The following PPEF1 variants were observed in gnomAD, a reference collection of about 807,000 sequenced individuals.
PPEF1 encodes serine/threonine-protein phosphatase with EF-hands 1.
In PPEF1, 12 loss-of-function variants were observed where a neutral mutation model predicts 53.3. The ratio of observed to expected loss-of-function variants is 0.23; its 90% CI spans 0.14 to 0.36. The LOEUF is 0.36. Among genes scored for constraint, PPEF1 ranks in the 10% least tolerant of loss-of-function variants. The pLI is 1.00. For missense variants in PPEF1, 334 were observed against 490.4 expected (o/e 0.68, Z 3.01); for synonymous variants, 165 against 176.7 (o/e 0.93, Z 0.52).
intron 10 of PPEF1, among the ~76,000 whole-genome samples, chrX:18,795,662 T>G (rs1002902881): frequency 1.8e-5 from 2 of 112,337 alleles, no homozygotes; most frequent in African/African-American, 6.5e-5. Context: ...ACATTTTAAC[T>G]GCTTTCTTGT....
intron 10 of PPEF1, among the ~76,000 whole-genome samples, chrX:18,803,510 G>A (rs2046591578): frequency 8.9e-6 from 1 of 112,686 alleles, no homozygotes; most frequent in African/African-American, 3.2e-5. Flanking sequence ...AGGCTGGAGT[G>A]CAGTGGAGTG....
At chrX:18,775,845 G>T (rs1347432434) in intron 6 of PPEF1, among the ~76,000 whole-genome samples, 1 of 112,248 alleles carries the variant, frequency 8.9e-6, no homozygotes, top group African/African-American at 3.2e-5. Context: ...GTGTTTCTAG[G>T]TACCCCTAAA....
chrX:18,686,860 G>A (rs1467121030), intron 3 of PPEF1, among the ~76,000 whole-genome samples: 1 of 86,082 alleles, frequency 1.2e-5, no homozygotes, highest in Non-Finnish European at 2.3e-5. Flanking sequence ...GAACACCAGG[G>A]GCTTAACACA....
At chrX:18,797,717 T>A (rs914913219) in intron 10 of PPEF1, among the ~76,000 whole-genome samples, 4 of 111,321 alleles carry the variant, frequency 3.6e-5, no homozygotes. Context: ...TTATTATTAT[T>A]TTTAGACGGA....
At chrX:18,720,992 T>C (rs981069479) in intron 1 of PPEF1, among the ~76,000 whole-genome samples, 21 of 111,694 alleles carry the variant, frequency 1.9e-4, no homozygotes, top group Non-Finnish European at 3.0e-4. Flanking sequence ...CTTTGAAACC[T>C]CTGAGCCTTA....
intron 4 of PPEF1, among the ~76,000 whole-genome samples, chrX:18,691,849 A>C (rs1929406629): frequency 8.9e-6 from 1 of 112,260 alleles, no homozygotes; most frequent in Non-Finnish European, 1.9e-5. Flanking sequence ...AATTGCTTCC[A>C]GGCAGTAATT....
intron 1 of PPEF1, among the ~76,000 whole-genome samples, chrX:18,718,910 G>C (rs780880528): frequency 8.9e-6 from 1 of 112,036 alleles, no homozygotes; most frequent in Non-Finnish European, 1.9e-5. Flanking sequence ...AATGCGGATC[G>C]TATTTGACCT....
At position 18,806,626 on chromosome X, in the gene PPEF1, C is replaced by T. The variant is rs149361852; in HGVS notation, c.1394+81C>T. The T allele has an allele frequency of 1.3e-4, 124 of 932,714 alleles. No individual in the cohort carries two copies. The African/African-American group carries it at 2.1e-3, about 16-fold the overall frequency. The allele number at this position is 932,714 out of a possible 1,213,427, so 76.9% of individuals were successfully genotyped here. A position where few individuals can be genotyped will look rare whatever the true frequency, so the allele number is the denominator to read the frequency against. On this transcript the variant is annotated intron_variant, in intron 12 of 15. Coordinates refer to ENST00000470157, the MANE Select transcript of PPEF1 (RefSeq NM_001377996.1). ...AGTCCCACGTGACTAAGAGCAGCCA[C>T]GTGAGTGAAGAGAGTCATTTATAGC... is the stretch of plus-strand genomic sequence containing the variant.
At chrX:18,820,252 T>C (rs2047004834) in intron 13 of PPEF1, among the ~76,000 whole-genome samples, 1 of 111,875 alleles carries the variant, frequency 8.9e-6, no homozygotes, top group African/African-American at 3.3e-5. Context: ...TACTTATTCA[T>C]ATAGCTTCAA....
chrX:18,798,387 G>T (rs1202716691), intron 10 of PPEF1, among the ~76,000 whole-genome samples: 2 of 111,859 alleles, frequency 1.8e-5, no homozygotes, highest in Non-Finnish European at 3.8e-5. Context: ...TCCCAAGAGG[G>T]AAATGACTTG....
At chrX:18,777,019 G>T (rs766317831) in intron 6 of PPEF1, among the ~76,000 whole-genome samples, 1 of 112,687 alleles carries the variant, frequency 8.9e-6, no homozygotes, top group Non-Finnish European at 1.9e-5. Flanking sequence ...CCATTTTAAT[G>T]CAATTTTATA....
chrX:18,741,724 A>G (rs923870529), intron 3 of PPEF1, among the ~76,000 whole-genome samples: 2 of 105,232 alleles, frequency 1.9e-5, no homozygotes, highest in African/African-American at 7.0e-5. Flanking sequence ...ACTTCTTTAT[A>G]TAGATGGAAG....
chrX:18,758,283 C>T (rs1356845548), intron 5 of PPEF1, among the ~76,000 whole-genome samples: 1 of 111,053 alleles, frequency 9.0e-6, no homozygotes, highest in Non-Finnish European at 1.9e-5. Flanking sequence ...CAGGATATTG[C>T]TTCAAGAAAC....
At chrX:18,743,308 C>T (rs1326791311) in intron 3 of PPEF1, among the ~76,000 whole-genome samples, 6 of 111,527 alleles carry the variant, frequency 5.4e-5, no homozygotes, top group African/African-American at 2.0e-4. Context: ...CATATCCTCA[C>T]CAACACTTGC....
chrX:18,806,665 T>A, intron 12 of PPEF1, 120 bp downstream of exon 12: 1 of 734,847 alleles, frequency 1.4e-6, no homozygotes, highest in South Asian at 5.5e-5. Context: ...CTCATTAGTA[T>A]CAACAAAATG....
intron 4 of PPEF1, among the ~76,000 whole-genome samples, chrX:18,691,902 A>G (rs1427452987): frequency 8.9e-6 from 1 of 111,789 alleles, no homozygotes; most frequent in Non-Finnish European, 1.9e-5. Context: ...TCAAGTCTCC[A>G]TTGCTTTACA....
chrX:18,805,572 C>T (rs1270746715), intron 11 of PPEF1, among the ~76,000 whole-genome samples: 6 of 110,728 alleles, frequency 5.4e-5, no homozygotes, highest in East Asian at 5.8e-4. Context: ...TGGCTGGGCA[C>T]GGTGGCTCAT....
chrX:18,784,141 GT>G, intron 9 of PPEF1, 93 bp downstream of exon 9: 1 of 849,000 alleles, frequency 1.2e-6, no homozygotes, highest in Non-Finnish European at 1.6e-6. Context: ...TTGTGTTTTA[GT>G]GGTTGTAACT....
Position 18,823,932 on chromosome X carries a change from C to A in PPEF1, c.1511C>A (p.Ser504Tyr). 1 of 1,205,968 alleles carries A rather than the reference C, an allele frequency of 8.3e-7. No homozygotes were observed. Among genetic ancestry groups the A allele is most frequent in the Non-Finnish European group, 1.1e-6 (1 of 892,839 alleles). The change falls in exon 14 of 16, where the codon TCT becomes TAT. Residue 504 changes from serine (S) to tyrosine (Y), a missense_variant. Ser to Tyr is a moderately radical substitution (Grantham distance 144). Coordinates refer to ENST00000470157, the MANE Select transcript of PPEF1 (RefSeq NM_001377996.1). ...LQDHRKSGKL[S>Y]VSQWAFCMEN... ...TTATTGTTGTTGTTAGGAAAACTTT[C>A]TGTGAGCCAGTGGGCTTTTTGCATG...
Sources: gnomAD v4.1 joint callset for allele counts (sites outside exome capture counted in the v4.1 genomes callset) on GRCh38, gnomAD v4.1.1 for gene constraint, MANE v1.5 for transcripts, NCBI Gene and HGNC (gene_info 2026-07-23, HGNC 2026-07-21) for gene names.